WASF1: variants seen among roughly 807,000 people sequenced by gnomAD.
The protein encoded by WASF1 is actin-binding protein WASF1.
Under a neutral mutation model 50.5 loss-of-function variants are expected in WASF1, and 7 were observed. The observed-to-expected ratio is 0.14, with a 90% CI of 0.08 to 0.26. The LOEUF (loss-of-function observed/expected upper bound fraction) is 0.26, where lower values mean the gene tolerates loss of function less well. Among genes scored for constraint, WASF1 ranks in the 10% least tolerant of loss-of-function variants. The pLI is 1.00. For missense variants in WASF1, 470 were observed against 694.7 expected, an observed-to-expected ratio of 0.68 and a Z score of 3.64; for synonymous variants, 205 against 244.0, an observed-to-expected ratio of 0.84 and a Z score of 1.49.
intron 4 of WASF1, among the ~76,000 whole-genome samples, chr6:110,121,368 A>C (rs1277669617): frequency 2.6e-5 from 4 of 152,166 alleles, no homozygotes; most frequent in Admixed American, 1.3e-4. Flanking sequence ...CAAAAAGTGG[A>C]CAAAGGATAT....
intron 3 of WASF1, among the ~76,000 whole-genome samples, chr6:110,151,600 T>C (rs1169169911): frequency 3.3e-5 from 5 of 152,174 alleles, no homozygotes; most frequent in African/African-American, 4.8e-5. Context: ...ACAAGTTTAA[T>C]AAAGTAATAG....
chr6:110,102,959 G>A (rs1484730464), intron 9 of WASF1, among the ~76,000 whole-genome samples: 4 of 151,866 alleles, frequency 2.6e-5, no homozygotes, highest in Non-Finnish European at 5.9e-5. Flanking sequence ...TCACATCTTT[G>A]GTTCCCATTT....
At chr6:110,127,880 A>T (rs1774485099) in intron 3 of WASF1, among the ~76,000 whole-genome samples, 1 of 152,158 alleles carries the variant, frequency 6.6e-6, no homozygotes, top group Non-Finnish European at 1.5e-5. Context: ...ATTCACTTCC[A>T]CTTAATAGTT....
At chr6:110,107,476 A>G (rs1016122206) in intron 6 of WASF1, among the ~76,000 whole-genome samples, 11 of 152,338 alleles carry the variant, frequency 7.2e-5, no homozygotes, top group African/African-American at 2.6e-4. Flanking sequence ...AATTTTCTAA[A>G]AAGTCCTTTG....
intron 2 of WASF1, among the ~76,000 whole-genome samples, chr6:110,171,429 G>C (rs1373245658): frequency 6.6e-6 from 1 of 152,160 alleles, no homozygotes; most frequent in Non-Finnish European, 1.5e-5. Flanking sequence ...ATCAAAAGCA[G>C]TGCTTGGAGG....
At chr6:110,177,410 C>G (rs1776976611) in intron 2 of WASF1, among the ~76,000 whole-genome samples, 1 of 151,972 alleles carries the variant, frequency 6.6e-6, no homozygotes, top group Non-Finnish European at 1.5e-5. Context: ...AGAGGCATAC[C>G]TCTCCAAAGC....
At chr6:110,176,822 C>A (rs1420103779) in intron 2 of WASF1, among the ~76,000 whole-genome samples, 1 of 151,970 alleles carries the variant, frequency 6.6e-6, no homozygotes, top group Non-Finnish European at 1.5e-5. Flanking sequence ...CATTATAAAA[C>A]AAATTCTCAA....
chr6:110,130,010 G>A (rs1160405339), intron 3 of WASF1, among the ~76,000 whole-genome samples: 4 of 152,120 alleles, frequency 2.6e-5, no homozygotes, highest in Non-Finnish European at 2.9e-5. Context: ...AGTGAACAAC[G>A]GTTACTAAAG....
Position 110,102,119 on chromosome 6 carries a change from G to A in WASF1, c.991C>T (p.Leu331Phe). ...GAGGAAGTTGACAAGGCAGATGGAAGAGGTGGTGGAGGAGGTGGGGGAGTG... is the reference window on the plus strand; with the variant it reads ...GAGGAAGTTGACAAGGCAGATGGAAAAGGTGGTGGAGGAGGTGGGGGAGTG... ...SPTPPPPPPP[L>F]PSALSTSSLR... The change falls in exon 10 of 11, where the codon CTT (leucine) becomes TTT (phenylalanine). Residue 331 changes from leucine (L) to phenylalanine (F), a missense_variant. Transcript: ENST00000392589. The A allele has an allele frequency of 1.3e-6, 2 of 1,492,080 alleles. No homozygotes were observed. The highest frequency in any genetic ancestry group is 1.8e-6 in the Non-Finnish European group (2 of 1,121,294). The allele number at this position is 1,492,080 out of a possible 1,614,324, so 92.4% of individuals were successfully genotyped here. A position where few individuals can be genotyped will look rare whatever the true frequency, so the allele number is the denominator to read the frequency against.
chr6:110,105,647 A>G (rs757120605), intron 7 of WASF1, 68 bp from the exon 8 acceptor site: 2 of 1,457,698 alleles, frequency 1.4e-6, no homozygotes, highest in Non-Finnish European at 1.9e-6. Flanking sequence ...GGTTATAACA[A>G]TCAAATTAAA....
In WASF1 at chr6:110,163,768, C is replaced by A. The variant is rs550169269; in HGVS notation, c.-126-3036G>T. On this transcript the variant is annotated intron_variant, in intron 2 of 10. Transcript: ENST00000392589. The stretch of plus-strand genomic sequence containing the variant: ...TATTATAGAGAGTCAAAAGACCCAG[C>A]AGAGCCAACACATTATTGAAGGACT... 4.0e-5 allele frequency among the ~76,000 whole-genome samples: 6 copies of A among 151,634 alleles called. No individual in the cohort carries two copies. In the South Asian group the frequency reaches 1.2e-3, roughly 31 times the overall value.
intron 1 of WASF1, among the ~76,000 whole-genome samples, chr6:110,179,187 C>A (rs960552215): frequency 2.0e-5 from 3 of 152,164 alleles, no homozygotes; most frequent in African/African-American, 7.2e-5. Context: ...AGCCCCGGGG[C>A]GGTCCCTGCA....
intron 3 of WASF1, among the ~76,000 whole-genome samples, chr6:110,154,469 T>G (rs1000440200): frequency 6.6e-6 from 1 of 152,050 alleles, no homozygotes; most frequent in Non-Finnish European, 1.5e-5. Flanking sequence ...AATTGCGTAT[T>G]ATAAAAAAGT....
intron 2 of WASF1, among the ~76,000 whole-genome samples, chr6:110,163,748 T>C (rs1175205294): frequency 1.3e-5 from 2 of 151,622 alleles, no homozygotes; most frequent in Non-Finnish European, 3.0e-5. Flanking sequence ...AAGTTTATTA[T>C]AGAGAGTCAA....
At position 110,103,290 on chromosome 6, in the gene WASF1, G is replaced by A. The variant is rs190143629; in HGVS notation, c.893+88C>T. 1.6e-5 allele frequency: 24 copies of A among 1,459,716 alleles called. No individual in the cohort carries two copies. The South Asian group carries it at 2.1e-4, about 13-fold the overall frequency. 90.4% of individuals were successfully genotyped at this position (1,459,716 alleles called of 1,614,324 possible). On this transcript the variant is annotated intron_variant, in intron 9 of 10. Coordinates refer to ENST00000392589, the MANE Select transcript of WASF1 (RefSeq NM_003931.3). ...ACTTGTGACAAAAACTGTAAGGCCC[G>A]AAAGCCAAAAATACTTACTATATCG...
Position 110,146,724 on chromosome 6 carries a change from T to C in WASF1, c.-29+13911A>G, listed in dbSNP as rs1207033672. Among the ~76,000 whole-genome samples the C allele has an allele frequency of 2.0e-5, 3 of 152,212 alleles. No individual in the cohort carries two copies. In the East Asian group the frequency reaches 5.8e-4, roughly 29 times the overall value. On this transcript the variant is annotated intron_variant, in intron 3 of 10. Coordinates refer to ENST00000392589, the MANE Select transcript of WASF1 (RefSeq NM_003931.3). The stretch of plus-strand genomic sequence containing the variant: ...ATTATCTCAAACTGTTTCATTATTG[T>C]AAACTAAAAAACTGAAGTTCAAAAT...
intron 7 of WASF1, among the ~76,000 whole-genome samples, chr6:110,106,410 G>A (rs1020511525): frequency 1.3e-5 from 2 of 152,192 alleles, no homozygotes; most frequent in Admixed American, 1.3e-4. Context: ...CAGGGATTAG[G>A]GAAAGCAGAG....
chr6:110,102,570 T>C (rs895349177), intron 9 of WASF1, among the ~76,000 whole-genome samples: 4 of 152,172 alleles, frequency 2.6e-5, no homozygotes, highest in African/African-American at 9.7e-5. Flanking sequence ...TAATGCAATT[T>C]TGTGGCAATA....
chr6:110,116,891 G>A (rs920779813), intron 4 of WASF1, among the ~76,000 whole-genome samples: 1 of 152,184 alleles, frequency 6.6e-6, no homozygotes, highest in East Asian at 1.9e-4. Flanking sequence ...AGGCAAACAG[G>A]GTCTGGAGTG....
Sources: gnomAD v4.1 joint callset for allele counts (sites outside exome capture counted in the v4.1 genomes callset) on GRCh38, gnomAD v4.1.1 for gene constraint, MANE v1.5 for transcripts, NCBI Gene and HGNC (gene_info 2026-07-23, HGNC 2026-07-21) for gene names.